The following NCALD variants were observed in gnomAD, a reference collection of about 807,000 sequenced individuals.
NCALD encodes neurocalcin-delta.
Under a neutral mutation model 18.6 loss-of-function variants are expected in NCALD, and 10 were observed. The ratio of observed to expected loss-of-function variants is 0.54; its 90% confidence interval spans 0.33 to 0.91. NCALD has a LOEUF of 0.91. Ranked by LOEUF, NCALD falls within the 40% of genes least tolerant of loss-of-function variation. The pLI, the probability that NCALD is intolerant of heterozygous loss-of-function variation, is 0.03. For missense variants in NCALD, 184 were observed against 247.6 expected, an observed-to-expected ratio of 0.74 and a Z score of 1.72; for synonymous variants, 88 against 87.4, an observed-to-expected ratio of 1.01 and a Z score of -0.04.
chr8:101,912,091 C>T (rs1817822011), intron 3 of NCALD, among the ~76,000 whole-genome samples: 1 of 151,776 alleles, frequency 6.6e-6, no homozygotes, highest in African/African-American at 2.4e-5. Context: ...TTTTGTAATT[C>T]ATATTTTATA....
intron 1 of NCALD, among the ~76,000 whole-genome samples, chr8:102,104,368 A>T (rs1216236493): frequency 2.6e-5 from 4 of 152,168 alleles, no homozygotes; most frequent in African/African-American, 9.7e-5. Flanking sequence ...ACCTAGCAAG[A>T]GCCCTTCAAG....
intron 1 of NCALD, among the ~76,000 whole-genome samples, chr8:102,049,388 C>T (rs895134799): frequency 2.0e-5 from 3 of 152,132 alleles, no homozygotes; most frequent in African/African-American, 4.8e-5. Context: ...TTCCTTTTAT[C>T]GCTGAAAAAA....
chr8:101,752,718 C>T (rs7835485), intron 1 of NCALD, among the ~76,000 whole-genome samples: 115,061 of 152,170 alleles, frequency 0.76, 43,586 homozygotes, highest in East Asian at 0.81. Context: ...TGATAAATAA[C>T]GGATAAATAA....
intron 2 of NCALD, among the ~76,000 whole-genome samples, chr8:102,018,592 G>T (rs546456925): frequency 6.6e-6 from 1 of 152,186 alleles, no homozygotes; most frequent in South Asian, 2.1e-4. Flanking sequence ...GAGGTAGAGG[G>T]AGTAGATTTA....
chr8:101,913,730 G>A (rs906627038), intron 3 of NCALD, among the ~76,000 whole-genome samples: 1 of 152,060 alleles, frequency 6.6e-6, no homozygotes, highest in African/African-American at 2.4e-5. Context: ...TTACAGGCAT[G>A]CACCACCACG....
intron 1 of NCALD, among the ~76,000 whole-genome samples, chr8:101,770,077 A>T (rs977735511): frequency 5.9e-5 from 9 of 152,216 alleles, no homozygotes; most frequent in African/African-American, 2.2e-4. Flanking sequence ...TAACACCATC[A>T]TTATTATTTG....
chr8:101,939,331 T>C lies in NCALD; in HGVS notation c.-156-23473A>G, dbSNP rs1586790189. Among the ~76,000 whole-genome samples the C allele has an allele frequency of 3.3e-5, 5 of 152,342 alleles. No individual in the cohort carries two copies. In the Middle Eastern group the frequency reaches 0.017, roughly 518 times the overall value. ...TCAGATTCATTGAATGAAAAGCATA[T>C]CTTAATTGATAAGATGTCTGAAATA... On this transcript the variant is annotated intron_variant, in intron 2 of 6. Coordinates refer to the NCALD transcript ENST00000311028.
chr8:101,700,214 C>T (rs1459178486), intron 2 of NCALD, among the ~76,000 whole-genome samples: 3 of 152,000 alleles, frequency 2.0e-5, no homozygotes, highest in Non-Finnish European at 4.4e-5. Context: ...GCATGCACCA[C>T]CACGCCCAGT....
chr8:101,773,950 C>A (rs1033878473), intron 1 of NCALD, among the ~76,000 whole-genome samples: 7 of 152,110 alleles, frequency 4.6e-5, no homozygotes, highest in Non-Finnish European at 1.0e-4. Flanking sequence ...TGTTAACATA[C>A]CTTAAACGTA....
intron 1 of NCALD, among the ~76,000 whole-genome samples, chr8:102,023,857 C>G (rs528909853): frequency 6.6e-6 from 1 of 152,226 alleles, no homozygotes; most frequent in African/African-American, 2.4e-5. Flanking sequence ...GTGTTTCCGT[C>G]TCAATGATAG....
intron 4 of NCALD, among the ~76,000 whole-genome samples, chr8:101,813,213 C>G (rs1405633189): frequency 6.6e-6 from 1 of 152,064 alleles, no homozygotes; most frequent in Admixed American, 6.6e-5. Flanking sequence ...TTGAGTTTTA[C>G]AGAAGGGCTC....
chr8:102,082,925 G>A (rs1466687294), intron 1 of NCALD, among the ~76,000 whole-genome samples: 2 of 152,198 alleles, frequency 1.3e-5, no homozygotes, highest in East Asian at 1.9e-4. Flanking sequence ...GCCAGTCCAC[G>A]GGTGAATAAT....
intron 1 of NCALD, among the ~76,000 whole-genome samples, chr8:102,074,987 T>C (rs1402281679): frequency 2.0e-5 from 3 of 152,096 alleles, no homozygotes; most frequent in Non-Finnish European, 4.4e-5. Flanking sequence ...CTGCTACACC[T>C]CCATGCATCA....
intron 1 of NCALD, among the ~76,000 whole-genome samples, chr8:102,073,336 A>C (rs1215962158): frequency 6.6e-6 from 1 of 152,150 alleles, no homozygotes; most frequent in African/African-American, 2.4e-5. Context: ...TTTTATAAGA[A>C]TATTTCATGA....
chr8:101,739,438 A>G (rs755912863), intron 1 of NCALD, among the ~76,000 whole-genome samples: 13 of 152,174 alleles, frequency 8.5e-5, no homozygotes, highest in African/African-American at 2.4e-4. Flanking sequence ...TGAAGGATGC[A>G]AAGTGTCATC....
intron 1 of NCALD, among the ~76,000 whole-genome samples, chr8:101,758,686 T>C (rs1810987357): frequency 6.6e-6 from 1 of 152,194 alleles, no homozygotes; most frequent in Non-Finnish European, 1.5e-5. Flanking sequence ...GACCTGTCTA[T>C]GGTATTCATT....
At chr8:101,865,861 T>C (rs1815746490) in intron 4 of NCALD, among the ~76,000 whole-genome samples, 1 of 152,214 alleles carries the variant, frequency 6.6e-6, no homozygotes, top group African/African-American at 2.4e-5. Flanking sequence ...AATACTTTTT[T>C]AGGAGCCACA....
intron 1 of NCALD, among the ~76,000 whole-genome samples, chr8:102,096,468 C>T (rs1006318602): frequency 6.6e-6 from 1 of 152,056 alleles, no homozygotes; most frequent in African/African-American, 2.4e-5. Context: ...AAAATCCTAA[C>T]TTTCCAGCCT....
At chr8:101,716,204 C>A (rs1816071257) in intron 2 of NCALD, among the ~76,000 whole-genome samples, 1 of 151,962 alleles carries the variant, frequency 6.6e-6, no homozygotes, top group African/African-American at 2.4e-5. Flanking sequence ...TCATTCTCAG[C>A]AAACTAACAC....
Sources: gnomAD v4.1 joint callset for allele counts (sites outside exome capture counted in the v4.1 genomes callset) on GRCh38, gnomAD v4.1.1 for gene constraint, MANE v1.5 for transcripts, NCBI Gene and HGNC (gene_info 2026-07-23, HGNC 2026-07-21) for gene names.